Variants in POFUT3 observed in about 807,000 individuals in gnomAD.
The protein encoded by POFUT3 is protein O-fucosyltransferase 3.
chr8:33,340,932 C>T, the POFUT3 span, among the ~76,000 whole-genome samples: 6 of 152,136 alleles, frequency 3.9e-5, no homozygotes, highest in Non-Finnish European at 8.8e-5. Context: ...ATGCCATCAA[C>T]CAACAGAATC....
chr8:33,370,214 G>A, the POFUT3 span, among the ~76,000 whole-genome samples: 1 of 143,568 alleles, frequency 7.0e-6, no homozygotes, highest in Non-Finnish European at 1.5e-5. Flanking sequence ...AATTGTCCAG[G>A]CCTGGTGGCA....
chr8:33,409,575 T>C, the POFUT3 span, among the ~76,000 whole-genome samples: 1 of 152,238 alleles, frequency 6.6e-6, no homozygotes, highest in African/African-American at 2.4e-5. Context: ...ACAGCTAATG[T>C]TCCCCCATTT....
the POFUT3 span, among the ~76,000 whole-genome samples, chr8:33,360,605 C>G: frequency 1.3e-5 from 2 of 152,104 alleles, no homozygotes; most frequent in African/African-American, 4.8e-5. Flanking sequence ...ACCACACATC[C>G]CAGTTTATGC....
chr8:33,467,337 T>C, the POFUT3 span, among the ~76,000 whole-genome samples: 2 of 150,846 alleles, frequency 1.3e-5, no homozygotes, highest in Admixed American at 6.6e-5. Flanking sequence ...ACATTTCTAT[T>C]ACAGAACTGA....
the POFUT3 span, among the ~76,000 whole-genome samples, chr8:33,439,694 C>T: frequency 2.0e-5 from 3 of 151,748 alleles, no homozygotes; most frequent in Non-Finnish European, 2.9e-5. Context: ...GGTGAAACTC[C>T]GTCTCTACTA....
At chr8:33,312,310 A>T in the POFUT3 span, among the ~76,000 whole-genome samples, 1 of 152,058 alleles carries the variant, frequency 6.6e-6, no homozygotes, top group African/African-American at 2.4e-5. Flanking sequence ...AAATTTGGAC[A>T]TAGAACACAA....
the POFUT3 span, among the ~76,000 whole-genome samples, chr8:33,360,641 G>A: frequency 1.3e-5 from 2 of 151,892 alleles, no homozygotes; most frequent in South Asian, 2.1e-4. Context: ...AACCAATAGC[G>A]CCTCTTCCAC....
At chr8:33,364,883 T>C in the POFUT3 span, among the ~76,000 whole-genome samples, 1 of 152,180 alleles carries the variant, frequency 6.6e-6, no homozygotes, top group South Asian at 2.1e-4. Flanking sequence ...TACCAATGAC[T>C]TTCTTCACAG....
chr8:33,471,642 T>C, the POFUT3 span, among the ~76,000 whole-genome samples: 1 of 152,336 alleles, frequency 6.6e-6, no homozygotes, highest in East Asian at 1.9e-4. Context: ...ACATTGTTTT[T>C]CCAAACTATA....
chr8:33,347,264 T>A, the POFUT3 span, among the ~76,000 whole-genome samples: 2 of 152,222 alleles, frequency 1.3e-5, no homozygotes. Flanking sequence ...CTGCACTGTT[T>A]GGTTGTATTT....
chr8:33,453,503 A>T, the POFUT3 span: 22 of 1,603,878 alleles, frequency 1.4e-5, no homozygotes, highest in Non-Finnish European at 1.9e-5. Context: ...CCCCAGCTCA[A>T]CCATGACCTA....
the POFUT3 span, among the ~76,000 whole-genome samples, chr8:33,388,020 A>G: frequency 6.6e-6 from 1 of 152,250 alleles, no homozygotes; most frequent in Non-Finnish European, 1.5e-5. Context: ...ATAAACAAAT[A>G]AAGTAAGCAA....
chr8:33,338,206 G>T, the POFUT3 span, among the ~76,000 whole-genome samples: 1 of 152,200 alleles, frequency 6.6e-6, no homozygotes, highest in Admixed American at 6.5e-5. Flanking sequence ...AATCGCAGTG[G>T]TGGGACACAA....
At chr8:33,364,610 C>T in the POFUT3 span, among the ~76,000 whole-genome samples, 1 of 152,166 alleles carries the variant, frequency 6.6e-6, no homozygotes, top group Non-Finnish European at 1.5e-5. Context: ...AAATCACAAG[C>T]ATTCCTACAC....
At chr8:33,423,955 A>G in the POFUT3 span, among the ~76,000 whole-genome samples, 167 of 152,066 alleles carry the variant, frequency 1.1e-3, no homozygotes, top group Non-Finnish European at 1.9e-3. Flanking sequence ...CCTGGCCAAC[A>G]TGGTGAAACC....
chr8:33,350,098 G>A, the POFUT3 span, among the ~76,000 whole-genome samples: 4 of 152,102 alleles, frequency 2.6e-5, no homozygotes, highest in South Asian at 2.1e-4. Context: ...ATCTTTGTTT[G>A]AGAATTGTCT....
the POFUT3 span, chr8:33,436,326 G>C: frequency 7.5e-7 from 1 of 1,328,238 alleles, no homozygotes; most frequent in Non-Finnish European, 1.1e-6. Context: ...GGTCTCCACT[G>C]CATCCTCTGC....
the POFUT3 span, among the ~76,000 whole-genome samples, chr8:33,359,289 GT>G: frequency 6.6e-6 from 1 of 152,148 alleles, no homozygotes; most frequent in Non-Finnish European, 1.5e-5. Context: ...GGGAAAATGG[GT>G]TTTGTAAGGT....
the POFUT3 span, chr8:33,436,198 C>T: frequency 2.4e-6 from 3 of 1,267,750 alleles, no homozygotes; most frequent in Non-Finnish European, 3.3e-6. Flanking sequence ...ATGCACCAAG[C>T]CGAGAACGTC....
Sources: gnomAD v4.1 joint callset for allele counts (sites outside exome capture counted in the v4.1 genomes callset) on GRCh38, gnomAD v4.1.1 for gene constraint, MANE v1.5 for transcripts, NCBI Gene and HGNC (gene_info 2026-07-23, HGNC 2026-07-21) for gene names.